RARB: variants seen among roughly 807,000 people sequenced by gnomAD.
RARB encodes HBV-activated protein.
RARB carries 17 observed loss-of-function variants against 51.9 expected under a neutral mutation model. The ratio of observed to expected loss-of-function variants is 0.33; its 90% CI spans 0.22 to 0.49. The LOEUF (loss-of-function observed/expected upper bound fraction) is 0.49, where lower values mean the gene tolerates loss of function less well. RARB is among the 20% of genes least tolerant of loss of function. The pLI, the probability that RARB is intolerant of heterozygous loss-of-function variation, is 0.99. For missense variants in RARB, 369 were observed against 550.8 expected (o/e 0.67, Z 3.30); for synonymous variants, 215 against 195.4 (o/e 1.10, Z -0.84).
intron 5 of RARB, among the ~76,000 whole-genome samples, chr3:25,229,542 G>T (rs192940161): frequency 6.6e-6 from 1 of 152,050 alleles, no homozygotes; most frequent in African/African-American, 2.4e-5. Context: ...TACCCCAACT[G>T]GGTATATTGT....
intron 5 of RARB, among the ~76,000 whole-genome samples, chr3:25,384,579 T>C (rs1468386995): frequency 6.6e-6 from 1 of 152,214 alleles, no homozygotes. Context: ...GAACTCTAGC[T>C]TTGAAATCAC....
At chr3:25,489,224 T>C (rs531663339) in intron 2 of RARB, among the ~76,000 whole-genome samples, 2 of 152,320 alleles carry the variant, frequency 1.3e-5, no homozygotes, top group African/African-American at 2.4e-5. Context: ...TAATTTCAAA[T>C]CTTGGCACTG....
intron 5 of RARB, among the ~76,000 whole-genome samples, chr3:25,196,743 C>T (rs1303083071): frequency 6.6e-6 from 1 of 152,062 alleles, no homozygotes; most frequent in South Asian, 2.1e-4. Flanking sequence ...TGTTTCCTGA[C>T]TTTTTAATGA....
chr3:25,203,547 C>T (rs200554868), intron 5 of RARB, among the ~76,000 whole-genome samples: 14,806 of 152,130 alleles, frequency 0.097, 945 homozygotes, highest in South Asian at 0.25. Flanking sequence ...TACAATTCGG[C>T]ATGTTTTTGC....
At chr3:25,146,884 A>T (rs1376987373) in intron 4 of RARB, among the ~76,000 whole-genome samples, 2 of 152,150 alleles carry the variant, frequency 1.3e-5, no homozygotes, top group Non-Finnish European at 2.9e-5. Context: ...CGTACTGCAT[A>T]TGGGCTTCCA....
intron 5 of RARB, among the ~76,000 whole-genome samples, chr3:25,243,141 T>A (rs182364817): frequency 2.0e-5 from 3 of 152,050 alleles, no homozygotes; most frequent in Admixed American, 1.3e-4. Context: ...GTGCTTGTGA[T>A]TTTTGCAGAT....
chr3:24,992,557 A>G (rs1696935553), intron 2 of RARB, among the ~76,000 whole-genome samples: 2 of 152,232 alleles, frequency 1.3e-5, no homozygotes, highest in South Asian at 4.1e-4. Context: ...CTGCCATACA[A>G]ACTACCAGAG....
intron 5 of RARB, among the ~76,000 whole-genome samples, chr3:25,225,477 A>G (rs1222284886): frequency 1.3e-5 from 2 of 152,214 alleles, no homozygotes; most frequent in South Asian, 2.1e-4. Flanking sequence ...GACTTTGGCC[A>G]TATTTCAACA....
chr3:25,403,772 A>G (rs1327673449), intron 5 of RARB, among the ~76,000 whole-genome samples: 8 of 150,030 alleles, frequency 5.3e-5, no homozygotes, highest in Non-Finnish European at 1.0e-4. Flanking sequence ...TTGACATTTG[A>G]GCGCTATTAT....
intron 5 of RARB, among the ~76,000 whole-genome samples, chr3:25,399,164 A>G (rs1707199368): frequency 6.6e-6 from 1 of 152,176 alleles, no homozygotes; most frequent in Admixed American, 6.5e-5. Flanking sequence ...GTGTATCACT[A>G]TGATGCTTTA....
chr3:25,572,163 A>G (rs936548037), intron 4 of RARB, among the ~76,000 whole-genome samples: 31 of 152,312 alleles, frequency 2.0e-4, no homozygotes, highest in African/African-American at 7.0e-4. Flanking sequence ...GTGCTGTGCA[A>G]TGGTGGACTG....
chr3:25,012,687 T>G (rs1218574668), intron 2 of RARB, among the ~76,000 whole-genome samples: 3 of 152,132 alleles, frequency 2.0e-5, no homozygotes, highest in South Asian at 2.1e-4. Context: ...TTATTTCCTT[T>G]AGTTAGCTGG....
intron 3 of RARB, among the ~76,000 whole-genome samples, chr3:25,084,082 C>T (rs1400935781): frequency 6.6e-6 from 1 of 152,166 alleles, no homozygotes; most frequent in East Asian, 1.9e-4. Flanking sequence ...TGGCTAATGA[C>T]TCAGTAAGAC....
chr3:25,520,378 G>C (rs191939929), intron 3 of RARB, among the ~76,000 whole-genome samples: 1 of 152,290 alleles, frequency 6.6e-6, no homozygotes, highest in African/African-American at 2.4e-5. Flanking sequence ...GGGACCTTCT[G>C]ATTTCAGCTC....
intron 2 of RARB, among the ~76,000 whole-genome samples, chr3:24,894,637 G>T (rs939446083): frequency 1.3e-5 from 2 of 152,282 alleles, no homozygotes; most frequent in South Asian, 4.2e-4. Flanking sequence ...TCAGGAATGG[G>T]AATGCTTTTG....
intron 5 of RARB, among the ~76,000 whole-genome samples, chr3:25,288,808 T>C (rs1053866457): frequency 1.3e-5 from 2 of 152,216 alleles, no homozygotes; most frequent in African/African-American, 2.4e-5. Flanking sequence ...ATTTCTGCTT[T>C]GAATTGTCCC....
chr3:25,018,579 A>G (rs1216984310), intron 2 of RARB, among the ~76,000 whole-genome samples: 1 of 152,216 alleles, frequency 6.6e-6, no homozygotes, highest in African/African-American at 2.4e-5. Flanking sequence ...GTTAAAAGAA[A>G]TTGACTCCTA....
At position 25,597,738 on chromosome 3, in the gene RARB, G is replaced by GTGTC. The variant is rs1352143463; in HGVS notation, c.*1123_*1126dup. ...GTGGTAGAGTGGTTAACAGATACAA[G>GTGTC]TGTCAGTTTCTTAGTTCTCATTTAA... On this transcript the variant is annotated 3_prime_UTR_variant, in exon 8 of 8. Coordinates refer to ENST00000330688, the MANE Select transcript of RARB (RefSeq NM_000965.5). 6.6e-6 allele frequency: 1 copy of GTGTC among 152,330 alleles called. No homozygotes were observed. The highest frequency in any genetic ancestry group is 2.4e-5 in the African/African-American group (1 of 41,306). The allele number at this position is 152,330 out of a possible 1,614,324, so 9.4% of individuals were successfully genotyped here.
At chr3:25,434,544 T>C (rs201234575) in intron 1 of RARB, among the ~76,000 whole-genome samples, 23,702 of 114,302 alleles carry the variant, frequency 0.21, 2,052 homozygotes, top group East Asian at 0.3. Flanking sequence ...TTTTTTTTTT[T>C]TCTTTTTTTT....
Sources: gnomAD v4.1 joint callset for allele counts (sites outside exome capture counted in the v4.1 genomes callset) on GRCh38, gnomAD v4.1.1 for gene constraint, MANE v1.5 for transcripts, NCBI Gene and HGNC (gene_info 2026-07-23, HGNC 2026-07-21) for gene names.